PLEKHH2: variants seen among roughly 807,000 people sequenced by gnomAD.
The protein encoded by PLEKHH2 is pleckstrin homology domain-containing family H member 2.
In PLEKHH2, 129 loss-of-function variants were observed where a neutral mutation model predicts 187.9. The ratio of observed to expected loss-of-function variants is 0.69; its 90% CI spans 0.59 to 0.79. The LOEUF (loss-of-function observed/expected upper bound fraction) is 0.79. PLEKHH2 is among the 30% of genes least tolerant of loss of function. The probability of loss-of-function intolerance (pLI) is 0.00; values close to 1 mark genes in which losing one functional copy is unlikely to be tolerated. For synonymous variants in PLEKHH2, 686 were observed against 605.6 expected (o/e 1.13, Z -1.95); for missense variants, 2,076 against 1,751.2 (o/e 1.19, Z -3.31).
chr2:43,684,600 A>G (rs1668402830), intron 3 of PLEKHH2, among the ~76,000 whole-genome samples: 1 of 152,092 alleles, frequency 6.6e-6, no homozygotes, highest in Admixed American at 6.5e-5. Context: ...GAGTCTTTAA[A>G]AAAGGATCCT....
intron 16 of PLEKHH2, among the ~76,000 whole-genome samples, chr2:43,721,201 T>G (rs1490420715): frequency 6.6e-6 from 1 of 152,222 alleles, no homozygotes; most frequent in African/African-American, 2.4e-5. Flanking sequence ...TATTAATGTT[T>G]AAACTAATCC....
chr2:43,685,614 T>A (rs1466297751), intron 3 of PLEKHH2, among the ~76,000 whole-genome samples: 1 of 151,206 alleles, frequency 6.6e-6, no homozygotes, highest in Non-Finnish European at 1.5e-5. Context: ...ACCTTTTTTT[T>A]TTTTTTTTGT....
chr2:43,697,959 C>CA lies in PLEKHH2; in HGVS notation c.688+612dup, dbSNP rs201860626. On this transcript the variant is annotated intron_variant, in intron 7 of 29. Transcript: ENST00000282406. ...TCTTTTAGTCTTGAAGTGCTTCTAT[C>CA]AAAAAAAAAGAAAAAATCCATCTAA... Among the ~76,000 whole-genome samples the CA allele has an allele frequency of 8.4e-3, 1,261 of 150,552 alleles. 22 individuals carry two copies. The highest frequency in any genetic ancestry group is 0.03 in the African/African-American group (1,213 of 41,104).
chr2:43,731,417 A>G, intron 18 of PLEKHH2, 73 bp from the exon 19 acceptor site: 1 of 1,019,830 alleles, frequency 9.8e-7, no homozygotes, highest in African/African-American at 1.6e-5. Context: ...CTAATGTCTA[A>G]AGGATTAATT....
At chr2:43,670,750 A>G (rs1159083618) in intron 2 of PLEKHH2, among the ~76,000 whole-genome samples, 12 of 152,128 alleles carry the variant, frequency 7.9e-5, no homozygotes, top group Admixed American at 4.6e-4. Context: ...GGTGGAATCT[A>G]TAGGTCAATT....
intron 2 of PLEKHH2, among the ~76,000 whole-genome samples, chr2:43,666,766 T>G (rs1040748636): frequency 1.1e-4 from 16 of 152,248 alleles, no homozygotes; most frequent in African/African-American, 3.6e-4. Context: ...TGGTAAAGTA[T>G]CTGTCTAAAT....
At chr2:43,748,477 C>T (rs932493603) in intron 24 of PLEKHH2, among the ~76,000 whole-genome samples, 1 of 152,174 alleles carries the variant, frequency 6.6e-6, no homozygotes, top group Non-Finnish European at 1.5e-5. Context: ...TAGTTCCCAA[C>T]GTGGGCCCAA....
At chr2:43,675,752 ACT>A (rs1448125172) in intron 2 of PLEKHH2, 1 of 1,613,494 alleles carries the variant, frequency 6.2e-7, no homozygotes, top group East Asian at 2.2e-5. Context: ...CTTTTCATCA[ACT>A]CTCTGCTTAA....
At chr2:43,755,180 G>A (rs1672166844) in intron 25 of PLEKHH2, among the ~76,000 whole-genome samples, 1 of 151,996 alleles carries the variant, frequency 6.6e-6, no homozygotes, top group Non-Finnish European at 1.5e-5. Flanking sequence ...GCCAAAATCA[G>A]CATATTGAAA....
chr2:43,730,671 T>A (rs748884242), intron 18 of PLEKHH2, among the ~76,000 whole-genome samples: 16 of 152,208 alleles, frequency 1.1e-4, no homozygotes, highest in Admixed American at 3.3e-4. Flanking sequence ...AGTGCTGGCA[T>A]TACAGGCATG....
chr2:43,690,777 A>G (rs1274988168), intron 3 of PLEKHH2, among the ~76,000 whole-genome samples: 1 of 152,236 alleles, frequency 6.6e-6, no homozygotes, highest in Non-Finnish European at 1.5e-5. Context: ...TACTACAATT[A>G]ACATCTCAAA....
At chr2:43,738,961 G>C (rs1270262663) in intron 20 of PLEKHH2, among the ~76,000 whole-genome samples, 2 of 151,946 alleles carry the variant, frequency 1.3e-5, no homozygotes, top group African/African-American at 4.8e-5. Context: ...GCACAATGTC[G>C]GCTCACTGGA....
intron 24 of PLEKHH2, among the ~76,000 whole-genome samples, chr2:43,746,589 T>G (rs1038482796): frequency 1.3e-5 from 2 of 152,084 alleles, no homozygotes; most frequent in Non-Finnish European, 2.9e-5. Context: ...AAATAGTTGC[T>G]CTCTTAGAGT....
intron 3 of PLEKHH2, among the ~76,000 whole-genome samples, chr2:43,683,479 G>T (rs1399116352): frequency 6.6e-6 from 1 of 151,720 alleles, no homozygotes; most frequent in Non-Finnish European, 1.5e-5. Context: ...GTTCAAATTG[G>T]GATCTAAACT....
At chr2:43,654,297 C>A (rs529090157) in intron 2 of PLEKHH2, among the ~76,000 whole-genome samples, 1 of 152,026 alleles carries the variant, frequency 6.6e-6, no homozygotes. Context: ...CCGGTTCAAG[C>A]GAGTCTCCTG....
At chr2:43,645,132 T>G (rs1382677549) in intron 2 of PLEKHH2, among the ~76,000 whole-genome samples, 2 of 152,090 alleles carry the variant, frequency 1.3e-5, no homozygotes, top group Non-Finnish European at 2.9e-5. Context: ...ATTGAAGGGA[T>G]TATAGAAAAA....
chr2:43,677,797 T>C (rs1667902835), intron 2 of PLEKHH2, among the ~76,000 whole-genome samples: 1 of 147,890 alleles, frequency 6.8e-6, no homozygotes, highest in Non-Finnish European at 1.5e-5. Flanking sequence ...GCCCCTCACC[T>C]CCCGCACCGG....
rs569337948 is a variant in PLEKHH2 at position 43,701,767 on chromosome 2, A to T, written c.1650+1159A>T. 2.4e-3 allele frequency among the ~76,000 whole-genome samples: 311 copies of T among 130,936 alleles called. 3 individuals carry two copies. The highest frequency in any genetic ancestry group is 3.2e-3 in the Non-Finnish European group (204 of 63,758). 85.9% of individuals were successfully genotyped at this position (130,936 alleles called of 152,430 possible). ...AAATGAAATGATCTGTTTAATTTTA[A>T]TTTTTTTTTTTTTTTTTGAGATGAA... On this transcript the variant is annotated intron_variant, in intron 8 of 29. Transcript: ENST00000282406.
Position 43,699,702 on chromosome 2 carries a change from C to A in PLEKHH2, c.744C>A (p.Gly248=). The A allele has an allele frequency of 6.2e-7, 1 of 1,614,084 alleles. No homozygotes were observed. The highest frequency in any genetic ancestry group is 8.5e-7 in the Non-Finnish European group (1 of 1,179,968). The change falls in exon 8 of 30, where the codon GGC becomes GGA. Residue 248 remains glycine (G), a synonymous_variant. Coordinates refer to ENST00000282406, the MANE Select transcript of PLEKHH2 (RefSeq NM_172069.4). The part of the protein sequence containing the change: ...VDNQVLENNR[G]QRTLHQTPCG... ...ACCAAGTTCTAGAAAACAACAGAGG[C>A]CAGAGAACATTGCATCAAACCCCTT...
Sources: gnomAD v4.1 joint callset for allele counts (sites outside exome capture counted in the v4.1 genomes callset) on GRCh38, gnomAD v4.1.1 for gene constraint, MANE v1.5 for transcripts, NCBI Gene and HGNC (gene_info 2026-07-23, HGNC 2026-07-21) for gene names.